Variants in MYO1A observed in about 807,000 individuals in gnomAD.
MYO1A encodes unconventional myosin-Ia.
In MYO1A, 127 loss-of-function variants were observed where a neutral mutation model predicts 138.5. That is an observed-to-expected ratio of 0.92 (90% CI 0.79 to 1.06). The LOEUF (loss-of-function observed/expected upper bound fraction) is 1.06. Among genes scored for constraint, MYO1A ranks in the 50% least tolerant of loss-of-function variants. The pLI is 0.00. For synonymous variants in MYO1A, 477 were observed against 497.5 expected (o/e 0.96, Z 0.55); for missense variants, 1,211 against 1,288.8 (o/e 0.94, Z 0.92).
rs199924915 is a variant in MYO1A, at chr12:57,046,551, C to G, written c.640+1G>C. 36 of 1,611,556 alleles carry G rather than the reference C, an allele frequency of 2.2e-5. No individual in the cohort carries two copies. Among genetic ancestry groups the G allele is most frequent in the African/African-American group, 1.3e-5 (1 of 74,846 alleles). The stretch of plus-strand genomic sequence containing the variant: ...GACACTTTCCCCATGCAGGCACATA[C>G]TCAGCAGCTGTTCATCTGCTCCAGC... On this transcript the variant is annotated splice_donor_variant, in intron 8 of 27. Coordinates refer to ENST00000300119, the MANE Select transcript of MYO1A (RefSeq NM_005379.4). LOFTEE classifies it high-confidence loss of function.
intron 14 of MYO1A, among the ~76,000 whole-genome samples, chr12:57,040,178 C>G (rs2030794759): frequency 6.6e-6 from 1 of 152,136 alleles, no homozygotes; most frequent in South Asian, 2.1e-4. Flanking sequence ...CCACTTCATC[C>G]CCCAAATACC....
intron 22 of MYO1A, among the ~76,000 whole-genome samples, chr12:57,032,906 G>C (rs1346459508): frequency 2.6e-5 from 4 of 152,084 alleles, no homozygotes; most frequent in Non-Finnish European, 5.9e-5. Context: ...GTTGAAAAAA[G>C]ATACAATTAA....
intron 23 of MYO1A, among the ~76,000 whole-genome samples, chr12:57,030,653 G>C (rs938815494): frequency 1.3e-5 from 2 of 152,216 alleles, no homozygotes; most frequent in Admixed American, 6.5e-5. Flanking sequence ...AAATAAGCCA[G>C]ACACAAAAGG....
rs980400644 is a variant in MYO1A at position 57,047,723 on chromosome 12, T to C, written c.231-2A>G. 2 of 1,613,990 alleles carry C rather than the reference T, an allele frequency of 1.2e-6. No individual in the cohort carries two copies. The highest frequency in any genetic ancestry group is 1.7e-5 in the Admixed American group (1 of 60,002). ...TACGCCACATTTGCCAATGCGTAGC[T>C]TGTGGGGAGGAAGTGGGCAATGACT... is the stretch of plus-strand genomic sequence containing the variant. On this transcript the variant is annotated splice_acceptor_variant, in intron 3 of 27. Transcript: ENST00000300119. LOFTEE classifies it high-confidence loss of function.
intron 5 of MYO1A, 41 bp from the exon 6 acceptor site, chr12:57,047,148 G>A (rs2031136968): frequency 1.4e-5 from 23 of 1,611,184 alleles, no homozygotes; most frequent in Non-Finnish European, 1.9e-5. Context: ...TCTAGAGAAG[G>A]GAAAGGAGGA....
chr12:57,043,469 T>C, intron 10 of MYO1A, 111 bp from the exon 11 acceptor site: 1 of 1,068,386 alleles, frequency 9.4e-7, no homozygotes, highest in South Asian at 1.3e-5. Context: ...GGGGTCTCAC[T>C]GGAGAAGTCA....
At position 57,028,742 on chromosome 12, in the gene MYO1A, T is replaced by C; in HGVS notation, c.*13A>G. On this transcript the variant is annotated 3_prime_UTR_variant, in exon 28 of 28. Coordinates refer to ENST00000300119, the MANE Select transcript of MYO1A (RefSeq NM_005379.4). ...GGAGGAAGCAACTGCCATCTCTGCA[T>C]GGTGCCCCCTCCTCACTGCACAGTC... The C allele has an allele frequency of 6.2e-7, 1 of 1,613,870 alleles. No homozygotes were observed. Among genetic ancestry groups the C allele is most frequent in the Non-Finnish European group, 8.5e-7 (1 of 1,179,836 alleles).
rs139153558 is a variant in MYO1A at position 57,037,969 on chromosome 12, G to A, written c.1861C>T (p.Arg621Ter). The A allele has an allele frequency of 5.3e-5, 85 of 1,614,098 alleles. 1 individual carries two copies. The South Asian group carries it at 6.7e-4, about 13-fold the overall frequency. Residue 621 changes from arginine to a stop codon, truncating the protein, a stop_gained, in exon 18 of 28, where the codon CGA (arginine) becomes TGA (stop). Transcript: ENST00000300119. LOFTEE classifies it high-confidence loss of function. ...YLGLLENVRV[R>*]RAGYAHRQGY... ...TGGCGGTGGGCATAGCCTGCCCGTC[G>A]CACCCGTACGTTCTCCAGCAGTCCC...
chr12:57,041,094 T>C (rs2030835639), intron 14 of MYO1A, 90 bp downstream of exon 14: 4 of 933,984 alleles, frequency 4.3e-6, no homozygotes, highest in East Asian at 2.4e-5. Context: ...CTGGGGACGA[T>C]GTAGAGGAAA....
At chr12:57,039,454 G>T in intron 14 of MYO1A, 180 bp from the exon 15 acceptor site, 1 of 644,212 alleles carries the variant, frequency 1.6e-6, no homozygotes, top group Non-Finnish European at 2.8e-6. Flanking sequence ...GAGAATTTGT[G>T]GGGTGGGTAG....
chr12:57,047,830 T>C, intron 3 of MYO1A, 109 bp from the exon 4 acceptor site: 2 of 1,565,730 alleles, frequency 1.3e-6, no homozygotes, highest in Non-Finnish European at 1.7e-6. Context: ...TGGAGCAGAC[T>C]GGGCAAGATG....
intron 1 of MYO1A, among the ~76,000 whole-genome samples, chr12:57,048,556 C>T (rs1174445799): frequency 6.6e-6 from 1 of 152,030 alleles, no homozygotes; most frequent in African/African-American, 2.4e-5. Flanking sequence ...CCTCTGCTGC[C>T]TGGGTTACAG....
Position 57,029,755 on chromosome 12 carries a change from A to T in MYO1A, c.2709T>A (p.Asn903Lys), listed in dbSNP as rs776667897. ...VLMAEAVKKV[N>K]RGNGKTSSRI... is the part of the protein sequence containing the mutation. ...AGGCCCTTACCTTGCCATTGCCACG[A>T]TTGACCTTCTTCACGGCCTCTGCCA... Residue 903 changes from asparagine (N) to lysine (K), a missense_variant, in exon 25 of 28, where the codon AAT (asparagine) becomes AAA (lysine). Transcript: ENST00000300119. 85 of 1,614,012 alleles carry T rather than the reference A, an allele frequency of 5.3e-5. No homozygotes were observed. Among genetic ancestry groups the T allele is most frequent in the Non-Finnish European group, 6.9e-5 (82 of 1,180,030 alleles).
In MYO1A at chr12:57,038,530, G is replaced by A. The variant is rs1055717307; in HGVS notation, c.1642C>T (p.Pro548Ser). ...AQHPLLRSLF[P>S]EGNPKQASLK... ...GATGCCTGCTTAGGATTGCCCTCAGGAAACAAGGACCGAAGGAGGGGGTGC... is the reference window on the plus strand; with the variant it reads ...GATGCCTGCTTAGGATTGCCCTCAGAAAACAAGGACCGAAGGAGGGGGTGC... Residue 548 changes from proline to serine, a missense_variant, in exon 17 of 28, where the codon CCT becomes TCT. Pro to Ser is a moderately conservative substitution (Grantham distance 74). Transcript: ENST00000300119. The A allele has an allele frequency of 6.2e-7, 1 of 1,614,068 alleles. No individual in the cohort carries two copies. Among genetic ancestry groups the A allele is most frequent in the Non-Finnish European group, 8.5e-7 (1 of 1,180,044 alleles).
chr12:57,041,174 C>T lies in MYO1A; in HGVS notation c.1269+10G>A, dbSNP rs970931228. 5 of 1,602,400 alleles carry T rather than the reference C, an allele frequency of 3.1e-6. No individual in the cohort carries two copies. The African/African-American group carries it at 6.7e-5, about 21-fold the overall frequency. ...GTTTAAGAGGGGGAAGTAGAAAAGA[C>T]TTGGTTTACTTCTCTCTTATATTCC... On this transcript the variant is annotated intron_variant, in intron 14 of 27. Coordinates refer to ENST00000300119, the MANE Select transcript of MYO1A (RefSeq NM_005379.4).
chr12:57,031,241 C>G, intron 22 of MYO1A, 67 bp from the exon 23 acceptor site: 1 of 1,589,926 alleles, frequency 6.3e-7, no homozygotes, highest in South Asian at 1.1e-5. Context: ...CAAACTGGCA[C>G]CCAGATCCTG....
In MYO1A at chr12:57,039,223, G is replaced by A. The variant is rs1478377045; in HGVS notation, c.1321C>T (p.Leu441Phe). The stretch of plus-strand genomic sequence containing the variant: ...GAATGACAACTCACATGCTCAATGA[G>A]CTTACAAATGATGCCATTATCAAAG... ...DYFDNGIICK[L>F]IEHNQRGILA... Residue 441 changes from leucine (L) to phenylalanine (F), a missense_variant, in exon 15 of 28, where the codon CTC becomes TTC. Transcript: ENST00000300119. The A allele has an allele frequency of 9.3e-6, 15 of 1,613,908 alleles. No individual in the cohort carries two copies. The Admixed American group carries it at 2.3e-4, about 25-fold the overall frequency.
chr12:57,029,553 T>C lies in MYO1A; in HGVS notation c.2759A>G (p.His920Arg), dbSNP rs866842692. ...SSRILLLTKGHVILTDTKKSQ... is the reference protein window; with the variant it reads ...SSRILLLTKGRVILTDTKKSQ... ...CTTCTTGGTGTCTGTGAGAATCACA[T>C]GGCCCTTGGTCAGGAGGAGAATCCG... Residue 920 changes from histidine (H) to arginine (R), a missense_variant, in exon 26 of 28, where the codon CAT becomes CGT. Physicochemically the swap from His to Arg is conservative, Grantham distance 29. Transcript: ENST00000300119. 1 of 1,614,108 alleles carries C rather than the reference T, an allele frequency of 6.2e-7. No homozygotes were observed. Among genetic ancestry groups the C allele is most frequent in the Middle Eastern group, 1.6e-4 (1 of 6,062 alleles).
rs575053604 is a variant in MYO1A at position 57,041,442 on chromosome 12, T to A, written c.1154A>T (p.Glu385Val). Residue 385 changes from glutamate to valine, a missense_variant, in exon 13 of 28, where the codon GAG (glutamate) becomes GTG (valine). Transcript: ENST00000300119. ...GTGAGGCACTCTCACCTCTAATATC[T>A]CAAAACCGTAGATATCAAGGACTCC... ...VMGVLDIYGF[E>V]ILEDNSFEQF... 3.3e-5 allele frequency: 54 copies of A among 1,613,466 alleles called. No individual in the cohort carries two copies. The South Asian group carries it at 5.5e-4, about 16-fold the overall frequency.
Sources: allele counts gnomAD v4.1 joint callset (sites outside exome capture counted in the v4.1 genomes callset), GRCh38; gene constraint gnomAD v4.1.1; transcripts MANE v1.5; gene names NCBI Gene and HGNC (gene_info 2026-07-23, HGNC 2026-07-21).